Variants in DENND1B observed in about 807,000 individuals in gnomAD.
DENND1B encodes DENN domain containing 1B.
DENND1B carries 59 observed loss-of-function variants against 90.1 expected under a neutral mutation model. The ratio of observed to expected loss-of-function variants is 0.65; its 90% CI spans 0.53 to 0.81. DENND1B has a LOEUF of 0.81. Ranked by LOEUF, DENND1B falls within the 40% of genes least tolerant of loss-of-function variation. DENND1B has a pLI of 0.00. For missense variants in DENND1B, 862 were observed against 912.6 expected (o/e 0.94, Z 0.71); for synonymous variants, 337 against 324.6 (o/e 1.04, Z -0.41).
intron 16 of DENND1B, among the ~76,000 whole-genome samples, chr1:197,548,898 C>A (rs1172424076): frequency 6.6e-6 from 1 of 152,048 alleles, no homozygotes; most frequent in Non-Finnish European, 1.5e-5. Context: ...AAACATGGTA[C>A]AATTTAGGTA....
At chr1:197,707,154 C>G (rs1004622817) in intron 3 of DENND1B, among the ~76,000 whole-genome samples, 1 of 152,138 alleles carries the variant, frequency 6.6e-6, no homozygotes, top group African/African-American at 2.4e-5. Flanking sequence ...TGAAATAAGT[C>G]AGGCACAGAA....
At chr1:197,551,003 C>A (rs895974594) in intron 16 of DENND1B, among the ~76,000 whole-genome samples, 2 of 150,602 alleles carry the variant, frequency 1.3e-5, no homozygotes, top group Non-Finnish European at 3.0e-5. Flanking sequence ...TTCATGACAT[C>A]GATATATTCT....
chr1:197,516,570 G>A (rs964049686), intron 20 of DENND1B, among the ~76,000 whole-genome samples: 2 of 151,720 alleles, frequency 1.3e-5, no homozygotes, highest in Non-Finnish European at 2.9e-5. Flanking sequence ...AGTGCTTTCA[G>A]GGGAAATAAA....
At position 197,649,214 on chromosome 1, in the gene DENND1B, T is replaced by C. The variant is rs74134861; in HGVS notation, c.448-2100A>G. ...TAGAGGAGGAAAATTAAAAGTTGGA[T>C]TGAATCTAAGAAATGGATGGTCCTG... On this transcript the variant is annotated intron_variant, in intron 7 of 22. Transcript: ENST00000620048. Among the ~76,000 whole-genome samples, 432 of 152,274 alleles carry C rather than the reference T, an allele frequency of 2.8e-3. 3 individuals are homozygous for C. Among genetic ancestry groups the C allele is most frequent in the African/African-American group, 9.8e-3 (407 of 41,568 alleles).
At position 197,510,328 on chromosome 1, in the gene DENND1B, CA is replaced by C. The variant is rs1177378090; in HGVS notation, c.*131del. On this transcript the variant is annotated 3_prime_UTR_variant, in exon 23 of 23. Coordinates refer to ENST00000620048, the MANE Select transcript of DENND1B (RefSeq NM_001195215.2). ...GCATTTCATATATCCTCGAAATGAA[CA>C]AGTGAGAAAAATGTTGCAAATGCAA... 3.6e-5 allele frequency: 36 copies of C among 1,005,052 alleles called. No individual in the cohort carries two copies. Among genetic ancestry groups the C allele is most frequent in the Non-Finnish European group, 7.0e-6 (5 of 710,700 alleles). The allele number at this position is 1,005,052 out of a possible 1,614,324, so 62.3% of individuals were successfully genotyped here. A position where few individuals can be genotyped will look rare whatever the true frequency, so the allele number is the denominator to read the frequency against.
chr1:197,665,230 A>C (rs980875234), intron 5 of DENND1B, among the ~76,000 whole-genome samples: 2 of 152,180 alleles, frequency 1.3e-5, no homozygotes, highest in African/African-American at 4.8e-5. Context: ...ACTAACTTTC[A>C]AATCTTGTAA....
chr1:197,624,134 A>G (rs998899213), intron 10 of DENND1B, among the ~76,000 whole-genome samples: 5 of 151,632 alleles, frequency 3.3e-5, no homozygotes, highest in Admixed American at 1.3e-4. Context: ...CTGAAAGAAC[A>G]AAGTTGGAGG....
Position 197,617,682 on chromosome 1 carries a change from A to T in DENND1B, c.750T>A (p.Pro250=). 6.2e-7 allele frequency: 1 copy of T among 1,607,462 alleles called. No individual in the cohort carries two copies. The highest frequency in any genetic ancestry group is 8.5e-7 in the Non-Finnish European group (1 of 1,175,372). ...ACCAGCAGTAGTCCAGCAGGTGTGG[A>T]GGAAGCACTGGGATGTATATGTGTT... is the stretch of plus-strand genomic sequence containing the variant. The part of the protein sequence containing the change: ...YWQHIYIPVL[P]PHLLDYCCAP... Residue 250 remains proline (P), a synonymous_variant, in exon 11 of 23, where the codon CCT becomes CCA. Coordinates refer to ENST00000620048, the MANE Select transcript of DENND1B (RefSeq NM_001195215.2).
chr1:197,665,308 C>T (rs563222109), intron 5 of DENND1B, among the ~76,000 whole-genome samples: 2 of 152,190 alleles, frequency 1.3e-5, no homozygotes, highest in African/African-American at 2.4e-5. Flanking sequence ...CTCGGAACTC[C>T]GAGGTAAATG....
chr1:197,633,671 C>T (rs1029835342), intron 10 of DENND1B, among the ~76,000 whole-genome samples: 2 of 152,128 alleles, frequency 1.3e-5, no homozygotes, highest in African/African-American at 2.4e-5. Flanking sequence ...AAAGGTTTCC[C>T]TCAGCATTCC....
chr1:197,601,093 T>G (rs1423479646), intron 13 of DENND1B, among the ~76,000 whole-genome samples: 7 of 151,788 alleles, frequency 4.6e-5, no homozygotes, highest in Non-Finnish European at 2.9e-5. Flanking sequence ...CCTGTTCTTT[T>G]ATAACATTTG....
chr1:197,567,295 C>G (rs1672758999), intron 15 of DENND1B, among the ~76,000 whole-genome samples: 1 of 151,890 alleles, frequency 6.6e-6, no homozygotes, highest in Admixed American at 6.6e-5. Context: ...TAGATACAAC[C>G]TATCAAAACT....
intron 2 of DENND1B, among the ~76,000 whole-genome samples, chr1:197,764,684 G>C (rs559814377): frequency 6.6e-6 from 1 of 152,090 alleles, no homozygotes; most frequent in East Asian, 1.9e-4. Context: ...ATTGATTTGA[G>C]TTTACAAGGT....
chr1:197,773,901 G>A (rs2102523676), intron 1 of DENND1B, among the ~76,000 whole-genome samples: 1 of 152,230 alleles, frequency 6.6e-6, no homozygotes, highest in East Asian at 1.9e-4. Context: ...TACATTGGCT[G>A]TATTTAATAT....
intron 20 of DENND1B, among the ~76,000 whole-genome samples, chr1:197,526,731 G>A (rs1215897231): frequency 1.3e-5 from 2 of 152,060 alleles, no homozygotes; most frequent in South Asian, 4.1e-4. Flanking sequence ...TAATATACTA[G>A]TATTGTTCAG....
chr1:197,617,605 G>T, intron 11 of DENND1B, 54 bp downstream of exon 11: 3 of 1,312,502 alleles, frequency 2.3e-6, no homozygotes, highest in South Asian at 2.4e-5. Flanking sequence ...CAAATAAACA[G>T]ATAATCTAAT....
chr1:197,604,523 A>G (rs1417524195), intron 13 of DENND1B, among the ~76,000 whole-genome samples: 2 of 151,204 alleles, frequency 1.3e-5, no homozygotes, highest in Admixed American at 1.3e-4. Context: ...GTGACCACTG[A>G]CCTTTGAACA....
chr1:197,691,780 A>T (rs946899624), intron 3 of DENND1B, among the ~76,000 whole-genome samples: 1 of 151,984 alleles, frequency 6.6e-6, no homozygotes, highest in Non-Finnish European at 1.5e-5. Context: ...TCAGCCTTAA[A>T]AAAAGAAAGA....
At chr1:197,627,226 A>G (rs1678841291) in intron 10 of DENND1B, among the ~76,000 whole-genome samples, 1 of 152,140 alleles carries the variant, frequency 6.6e-6, no homozygotes, top group East Asian at 1.9e-4. Context: ...ACACACCGAA[A>G]AAAGAGAATT....
Sources: allele counts gnomAD v4.1 joint callset (sites outside exome capture counted in the v4.1 genomes callset), GRCh38; gene constraint gnomAD v4.1.1; transcripts MANE v1.5; gene names NCBI Gene and HGNC (gene_info 2026-07-23, HGNC 2026-07-21).